PRIM2: variants seen among roughly 807,000 people sequenced by gnomAD.
PRIM2 encodes DNA primase large subunit.
PRIM2 carries 39 observed loss-of-function variants against 67.3 expected under a neutral mutation model. That is an observed-to-expected ratio of 0.58 (90% CI 0.45 to 0.76). The LOEUF (loss-of-function observed/expected upper bound fraction) is 0.76, where lower values mean the gene tolerates loss of function less well. Ranked by LOEUF, PRIM2 falls within the 30% of genes least tolerant of loss-of-function variation. PRIM2 has a pLI of 0.00. For synonymous variants in PRIM2, 143 were observed against 198.7 expected (o/e 0.72, Z 2.36); for missense variants, 398 against 598.7 (o/e 0.66, Z 3.50).
At chr6:57,502,752 AGCT>A (rs1774165965) in intron 7 of PRIM2, among the ~76,000 whole-genome samples, 1 of 152,164 alleles carries the variant, frequency 6.6e-6, no homozygotes, top group South Asian at 2.1e-4. Context: ...TGAGAAATAA[AGCT>A]TCTCCTTCCA....
At chr6:57,559,094 T>A (rs1284910753) in intron 10 of PRIM2, among the ~76,000 whole-genome samples, 1 of 151,912 alleles carries the variant, frequency 6.6e-6, no homozygotes, top group African/African-American at 2.4e-5. Flanking sequence ...CATGCCACTT[T>A]ACTCTAGCCT....
chr6:57,529,437 T>A (rs1224869476), intron 8 of PRIM2, among the ~76,000 whole-genome samples: 1 of 152,198 alleles, frequency 6.6e-6, no homozygotes, highest in Admixed American at 6.5e-5. Context: ...AACATTTTTA[T>A]TCCTGAGATT....
At chr6:57,640,199 A>C (rs1777205178) in intron 13 of PRIM2, among the ~76,000 whole-genome samples, 1 of 152,222 alleles carries the variant, frequency 6.6e-6, no homozygotes, top group Admixed American at 6.5e-5. Flanking sequence ...TTCATGCTAA[A>C]AACTCTCAAT....
At chr6:57,329,550 A>AC (rs1767983870) in intron 5 of PRIM2, among the ~76,000 whole-genome samples, 1 of 152,096 alleles carries the variant, frequency 6.6e-6, no homozygotes, top group Non-Finnish European at 1.5e-5. Context: ...TAACTGAATC[A>AC]TGGGGGCAAT....
At chr6:57,251,947 C>A in the PRIM2 span, among the ~76,000 whole-genome samples, 3 of 152,160 alleles carry the variant, frequency 2.0e-5, no homozygotes, top group African/African-American at 7.2e-5. Context: ...GTTCTGAATT[C>A]CTGCATGGCT....
the PRIM2 span, among the ~76,000 whole-genome samples, chr6:57,256,330 A>G: frequency 1.3e-5 from 2 of 152,086 alleles, no homozygotes; most frequent in Non-Finnish European, 2.9e-5. Flanking sequence ...CTACAGGGCT[A>G]TATTATGTAT....
At chr6:57,237,879 G>C in the PRIM2 span, among the ~76,000 whole-genome samples, 2 of 152,284 alleles carry the variant, frequency 1.3e-5, no homozygotes, top group Admixed American at 6.5e-5. Context: ...TTTTGGCTTA[G>C]GATTGACTTG....
At chr6:57,453,067 A>G (rs930766412) in intron 7 of PRIM2, among the ~76,000 whole-genome samples, 5 of 151,892 alleles carry the variant, frequency 3.3e-5, no homozygotes, top group Admixed American at 1.3e-4. Flanking sequence ...TCTTGTTTTT[A>G]TCAGGTTTGT....
chr6:57,604,107 G>C (rs1776520146), intron 11 of PRIM2, among the ~76,000 whole-genome samples: 1 of 152,088 alleles, frequency 6.6e-6, no homozygotes, highest in African/African-American at 2.4e-5. Context: ...AGGAGTTCAA[G>C]AGCAGCCTGG....
chr6:57,356,054 C>G (rs1477885067), intron 5 of PRIM2, among the ~76,000 whole-genome samples: 1 of 152,128 alleles, frequency 6.6e-6, no homozygotes, highest in Non-Finnish European at 1.5e-5. Context: ...GAGGTATAGA[C>G]ATATGAATCC....
At chr6:57,503,986 T>G (rs1371157384) in intron 7 of PRIM2, among the ~76,000 whole-genome samples, 1 of 152,150 alleles carries the variant, frequency 6.6e-6, no homozygotes, top group African/African-American at 2.4e-5. Flanking sequence ...TGAGGTAAAG[T>G]GAATCTTGAA....
At chr6:57,550,755 G>A (rs1314664838) in intron 10 of PRIM2, among the ~76,000 whole-genome samples, 4 of 152,042 alleles carry the variant, frequency 2.6e-5, no homozygotes, top group Non-Finnish European at 5.9e-5. Context: ...AATATATGTG[G>A]TACTCTTAGG....
rs552152956 is a variant in PRIM2 at position 57,442,222 on chromosome 6, C to G, written c.693+60054C>G. 5.8e-4 allele frequency among the ~76,000 whole-genome samples: 88 copies of G among 152,238 alleles called. No individual in the cohort carries two copies. In the East Asian group the frequency reaches 0.016, roughly 27 times the overall value. On this transcript the variant is annotated intron_variant, in intron 7 of 13. Coordinates refer to ENST00000615550, the MANE Select transcript of PRIM2 (RefSeq NM_000947.5). Reference sequence around the variant, plus strand: ...TGGAAAAGGTTAACTTGATTGAATTCATGTCTTAGGGCCTCTGTTTGTCCC... The same window carrying G: ...TGGAAAAGGTTAACTTGATTGAATTGATGTCTTAGGGCCTCTGTTTGTCCC...
At chr6:57,407,626 G>C (rs1290502379) in intron 7 of PRIM2, among the ~76,000 whole-genome samples, 18 of 152,170 alleles carry the variant, frequency 1.2e-4, no homozygotes, top group Non-Finnish European at 2.2e-4. Flanking sequence ...TGCGGGTTAG[G>C]CCTGAGGCGG....
At position 57,540,468 on chromosome 6, in the gene PRIM2, C is replaced by T. The variant is rs1242564742; in HGVS notation, c.1020+2843C>T. 3.1e-3 allele frequency among the ~76,000 whole-genome samples: 477 copies of T among 152,192 alleles called. 6 individuals are homozygous for T. Among genetic ancestry groups the T allele is most frequent in the Admixed American group, 0.028 (423 of 15,290 alleles). On this transcript the variant is annotated intron_variant, in intron 10 of 13. Transcript: ENST00000615550. ...GCTTGAAATACACAGGTGTGAACTG[C>T]ATGGGTCCACTTATATGTGGATTTT...
intron 7 of PRIM2, among the ~76,000 whole-genome samples, chr6:57,409,263 CCT>C (rs1282278884): frequency 6.6e-6 from 1 of 152,012 alleles, no homozygotes; most frequent in Admixed American, 6.5e-5. Flanking sequence ...GCAAGCTCTG[CCT>C]CTCGGGTTCA....
At chr6:57,300,131 G>C in the PRIM2 span, among the ~76,000 whole-genome samples, 1 of 152,160 alleles carries the variant, frequency 6.6e-6, no homozygotes, top group Non-Finnish European at 1.5e-5. Context: ...AATATGGGAG[G>C]GACAAGTGTT....
chr6:57,568,333 C>T (rs1775789622), intron 10 of PRIM2, among the ~76,000 whole-genome samples: 1 of 152,060 alleles, frequency 6.6e-6, no homozygotes, highest in Admixed American at 6.6e-5. Flanking sequence ...GATCCTAAAC[C>T]TTCTTTTATT....
intron 7 of PRIM2, among the ~76,000 whole-genome samples, chr6:57,443,227 C>T (rs1024488978): frequency 9.2e-5 from 14 of 152,180 alleles, no homozygotes; most frequent in African/African-American, 2.9e-4. Context: ...GCAGATACCT[C>T]CTCAGCCTAC....
Sources: gnomAD v4.1 joint callset for allele counts (sites outside exome capture counted in the v4.1 genomes callset) on GRCh38, gnomAD v4.1.1 for gene constraint, MANE v1.5 for transcripts, NCBI Gene and HGNC (gene_info 2026-07-23, HGNC 2026-07-21) for gene names.